MANBA: variants seen among roughly 807,000 people sequenced by gnomAD.
The protein encoded by MANBA is mannosidase beta, also known as beta-mannosidase.
Under a neutral mutation model 111.1 loss-of-function variants are expected in MANBA, and 83 were observed. That is an observed-to-expected ratio of 0.75 (90% CI 0.63 to 0.90). MANBA has a LOEUF of 0.90. Among genes scored for constraint, MANBA ranks in the 40% least tolerant of loss-of-function variants. The probability of loss-of-function intolerance (pLI) is 0.00; values close to 1 mark genes in which losing one functional copy is unlikely to be tolerated. For missense variants in MANBA, 1,036 were observed against 1,069.0 expected (o/e 0.97, Z 0.43); for synonymous variants, 370 against 378.7 (o/e 0.98, Z 0.27).
At chr4:102,644,570 T>C (rs973660166) in intron 13 of MANBA, among the ~76,000 whole-genome samples, 2 of 151,978 alleles carry the variant, frequency 1.3e-5, no homozygotes, top group Non-Finnish European at 2.9e-5. Context: ...TTGAAAAAAG[T>C]TAAACTCATA....
chr4:102,664,760 A>T lies in MANBA; in HGVS notation c.1410T>A (p.Ser470Arg). ...TGATGTAGATTGGCCGGTCAGTGAA[A>T]CTGATATGATACCAATTCATCATCA... ...EALMMNWYHI[S>R]FTDRPIYIKD... Residue 470 changes from serine (S) to arginine (R), a missense_variant, in exon 11 of 17, where the codon AGT becomes AGA. Transcript: ENST00000647097. 5 of 1,611,842 alleles carry T rather than the reference A, an allele frequency of 3.1e-6. No homozygotes were observed. The highest frequency in any genetic ancestry group is 4.2e-6 in the Non-Finnish European group (5 of 1,177,884).
Position 102,760,780 on chromosome 4 carries a change from C to T in MANBA, c.115G>A (p.Glu39Lys), listed in dbSNP as rs1196997704. The change falls in exon 1 of 17, where the codon GAG becomes AAG. Residue 39 changes from glutamate to lysine, a missense_variant. Physicochemically the swap from Glu to Lys is moderately conservative, Grantham distance 56. Transcript: ENST00000647097. ...CAGCCAGGGACCGCCCCGGGCAGCT[C>T]CAGCGAGCCGTTCCCATTGCAGATG... is the stretch of plus-strand genomic sequence containing the variant. ...WSICNGNGSL[E>K]LPGAVPGCVH... 2 of 1,552,130 alleles carry T rather than the reference C, an allele frequency of 1.3e-6. No individual in the cohort carries two copies. The highest frequency in any genetic ancestry group is 2.4e-5 in the South Asian group (2 of 84,256).
In MANBA at chr4:102,723,893, A is replaced by G. The variant is rs775841860; in HGVS notation, c.347T>C (p.Ile116Thr). Reference protein sequence around the residue: ...VSKILFNEVTIGETDNMFNRY... With the variant: ...VSKILFNEVTTGETDNMFNRY... ...ATTGAACATATTGTCTGTTTCCCCA[A>G]TAGTGACTTCATTGAACAGGATTTT... The change falls in exon 3 of 17, where the codon ATT becomes ACT. Residue 116 changes from isoleucine to threonine, a missense_variant. By Grantham distance (89) the Ile-to-Thr change is moderately conservative. Transcript: ENST00000647097. 71 of 1,607,872 alleles carry G rather than the reference A, an allele frequency of 4.4e-5. No homozygotes were observed. Among genetic ancestry groups the G allele is most frequent in the Middle Eastern group, 1.6e-4 (1 of 6,074 alleles).
Position 102,644,215 on chromosome 4 carries a change from A to T in MANBA, c.1870-4358T>A, listed in dbSNP as rs75756213. Among the ~76,000 whole-genome samples the T allele has an allele frequency of 4.5e-3, 682 of 152,294 alleles. 4 individuals carry two copies. Among genetic ancestry groups the T allele is most frequent in the African/African-American group, 0.015 (639 of 41,574 alleles). ...ATGTAAATTAGTACAGCCATTATGC[A>T]AAACAGTATGGAGGCTTCCCAAACT... On this transcript the variant is annotated intron_variant, in intron 13 of 16. Transcript: ENST00000647097.
At position 102,639,864 on chromosome 4, in the gene MANBA, C is replaced by G; in HGVS notation, c.1870-7G>C. On this transcript the variant is annotated splice_polypyrimidine_tract_variant and splice_region_variant and intron_variant, in intron 13 of 16. Coordinates refer to ENST00000647097, the MANE Select transcript of MANBA (RefSeq NM_005908.4). ...CACACTGGGCCTGCATCACCTGATT[C>G]AGGAAAACATTCATACACAGGTGTT... 6.2e-7 allele frequency: 1 copy of G among 1,613,920 alleles called. No individual in the cohort carries two copies. The highest frequency in any genetic ancestry group is 8.5e-7 in the Non-Finnish European group (1 of 1,179,868).
intron 5 of MANBA, among the ~76,000 whole-genome samples, chr4:102,703,723 T>C (rs369230959): frequency 6.6e-6 from 1 of 151,896 alleles, no homozygotes; most frequent in East Asian, 1.9e-4. Flanking sequence ...CTTACTTCGT[T>C]CCCCCTATGA....
chr4:102,730,774 C>G, intron 1 of MANBA: 1 of 471,820 alleles, frequency 2.1e-6, no homozygotes, highest in East Asian at 5.5e-5. Context: ...CTGAGTTTCT[C>G]TTATAGGGTT....
intron 11 of MANBA, among the ~76,000 whole-genome samples, chr4:102,661,294 G>A (rs1730941400): frequency 1.3e-5 from 2 of 152,100 alleles, no homozygotes; most frequent in Non-Finnish European, 2.9e-5. Flanking sequence ...ATAGTTCCCA[G>A]CATTTTGAAG....
At chr4:102,733,417 A>G (rs1212188230) in intron 1 of MANBA, among the ~76,000 whole-genome samples, 1 of 150,678 alleles carries the variant, frequency 6.6e-6, no homozygotes, top group Non-Finnish European at 1.5e-5. Flanking sequence ...GCAGTGGCAC[A>G]ACCATGGTTC....
chr4:102,674,138 A>G, intron 7 of MANBA, 68 bp from the exon 8 acceptor site: 5 of 1,282,080 alleles, frequency 3.9e-6, no homozygotes, highest in Non-Finnish European at 5.6e-6. Context: ...TTTTAAAAAA[A>G]GCAGACCTTT....
chr4:102,697,872 C>T (rs985958494), intron 5 of MANBA, among the ~76,000 whole-genome samples: 1 of 152,108 alleles, frequency 6.6e-6, no homozygotes, highest in Non-Finnish European at 1.5e-5. Flanking sequence ...GATATATACC[C>T]TGTAATGGGA....
intron 14 of MANBA, among the ~76,000 whole-genome samples, chr4:102,639,312 G>T (rs184924559): frequency 6.6e-6 from 1 of 152,086 alleles, no homozygotes. Context: ...ACACATAAGC[G>T]GGCCAAACTT....
chr4:102,760,951 C>G lies in MANBA; in HGVS notation c.-57G>C, dbSNP rs986262026. ...GATCGAAAGGCAGCGCTGCAAGGGA[C>G]CGGCGGTGAAGCCACTCACCCCCTC... On this transcript the variant is annotated 5_prime_UTR_variant, in exon 1 of 17. Transcript: ENST00000647097. The G allele has an allele frequency of 2.7e-6, 4 of 1,500,532 alleles. No individual in the cohort carries two copies. In the South Asian group the frequency reaches 4.8e-5, roughly 18 times the overall value. 93.0% of individuals were successfully genotyped at this position (1,500,532 alleles called of 1,614,324 possible).
chr4:102,740,800 T>C (rs1345666124), intron 1 of MANBA, among the ~76,000 whole-genome samples: 1 of 151,892 alleles, frequency 6.6e-6, no homozygotes, highest in African/African-American at 2.4e-5. Context: ...AATATCAACT[T>C]GATAGATCAA....
rs548442432 is a variant in MANBA, at chr4:102,760,952, C to G, written c.-58G>C. The G allele has an allele frequency of 1.2e-5, 18 of 1,494,296 alleles. 2 individuals carry two copies. The South Asian group carries it at 2.0e-4, about 17-fold the overall frequency. 92.6% of individuals were successfully genotyped at this position (1,494,296 alleles called of 1,614,324 possible). On this transcript the variant is annotated 5_prime_UTR_variant, in exon 1 of 17. Coordinates refer to ENST00000647097, the MANE Select transcript of MANBA (RefSeq NM_005908.4). ...ATCGAAAGGCAGCGCTGCAAGGGAC[C>G]GGCGGTGAAGCCACTCACCCCCTCG...
intron 16 of MANBA, chr4:102,633,176 A>C (rs12646030): frequency 2.9e-6 from 1 of 343,266 alleles, no homozygotes; most frequent in Non-Finnish European, 4.9e-6. Context: ...AAAGAAGCTT[A>C]ATAAAGCGTA....
intron 1 of MANBA, chr4:102,752,351 G>C: frequency 7.3e-7 from 1 of 1,364,364 alleles, no homozygotes; most frequent in Non-Finnish European, 1.0e-6. Context: ...ACCAGACTGT[G>C]GGATCCCCGA....
At chr4:102,716,178 A>G (rs145870439) in intron 4 of MANBA, among the ~76,000 whole-genome samples, 8,752 of 151,808 alleles carry the variant, frequency 0.058, 740 homozygotes, top group African/African-American at 0.19. Context: ...GTGTGGTGGT[A>G]TATGCCTGTA....
chr4:102,650,790 TA>T, intron 12 of MANBA, 89 bp from the exon 13 acceptor site: 2 of 1,020,542 alleles, frequency 2.0e-6, no homozygotes, highest in Non-Finnish European at 3.0e-6. Context: ...GAAAGTATCC[TA>T]AACACTAGAG....
Sources: gnomAD v4.1 joint callset for allele counts (sites outside exome capture counted in the v4.1 genomes callset) on GRCh38, gnomAD v4.1.1 for gene constraint, MANE v1.5 for transcripts, NCBI Gene and HGNC (gene_info 2026-07-23, HGNC 2026-07-21) for gene names.